The following GDAP1L1 variants were observed in gnomAD, a reference collection of about 807,000 sequenced individuals.
GDAP1L1 encodes ganglioside-induced differentiation-associated protein 1-like 1.
In GDAP1L1, 21 loss-of-function variants were observed where a neutral mutation model predicts 37.1. The ratio of observed to expected loss-of-function variants is 0.57; its 90% CI spans 0.40 to 0.81. The LOEUF (loss-of-function observed/expected upper bound fraction) is 0.81, where lower values mean the gene tolerates loss of function less well. GDAP1L1 is among the 40% of genes least tolerant of loss of function. The pLI, the probability that GDAP1L1 is intolerant of heterozygous loss-of-function variation, is 0.00. For missense variants in GDAP1L1, 362 were observed against 491.6 expected, an observed-to-expected ratio of 0.74 and a Z score of 2.49; for synonymous variants, 193 against 209.1, an observed-to-expected ratio of 0.92 and a Z score of 0.67.
rs1465425862 is a variant in GDAP1L1 at position 44,279,646 on chromosome 20, C to A, written c.*346C>A. The stretch of plus-strand genomic sequence containing the variant: ...GGTGAGTCCCAGGATGTTTCGTCCA[C>A]CAGGGCCCAGATTCTGGGAGGTGCT... On this transcript the variant is annotated 3_prime_UTR_variant, in exon 6 of 6. Transcript: ENST00000342560. 2.1e-6 allele frequency: 1 copy of A among 485,184 alleles called. No homozygotes were observed. 30.1% of individuals were successfully genotyped at this position (485,184 alleles called of 1,614,324 possible).
chr20:44,255,179 C>T (rs1331275639), intron 1 of GDAP1L1, among the ~76,000 whole-genome samples: 3 of 152,134 alleles, frequency 2.0e-5, no homozygotes, highest in African/African-American at 7.2e-5. Context: ...GGAATTTCAT[C>T]CTCACAGCGG....
At chr20:44,259,408 G>A (rs2425631) in intron 3 of GDAP1L1, among the ~76,000 whole-genome samples, 3,567 of 151,950 alleles carry the variant, frequency 0.023, 71 homozygotes, top group Non-Finnish European at 0.037. Flanking sequence ...TGTGGCTAAT[G>A]TTCAAAGGCA....
At position 44,257,287 on chromosome 20, in the gene GDAP1L1, C is replaced by A. The variant is rs540471497; in HGVS notation, c.315C>A (p.Asp105Glu). The A allele has an allele frequency of 1.1e-5, 17 of 1,614,058 alleles. No homozygotes were observed. The East Asian group carries it at 2.7e-4, about 25-fold the overall frequency. The change falls in exon 2 of 6, where the codon GAC becomes GAA. Residue 105 changes from aspartate (D) to glutamate (E), a missense_variant. Asp to Glu is a conservative substitution (Grantham distance 45). Around this residue, in one of 2 missense-constraint regions of GDAP1L1, gnomAD observed 277 missense variants for 337.1 expected, o/e 0.82. Transcript: ENST00000342560. ...GEEVPVIIHR[D>E]NIISDYDQII... ...AGGTGCCCGTCATCATCCACCGCGA[C>A]AACATCATCAGTGACTATGACCAGA...
chr20:44,257,740 C>A (rs1334984375), intron 2 of GDAP1L1, among the ~76,000 whole-genome samples: 2 of 152,132 alleles, frequency 1.3e-5, no homozygotes, highest in East Asian at 3.8e-4. Flanking sequence ...CCAGGGGTTA[C>A]AGGGCAAGGA....
chr20:44,274,683 C>T (rs1038235457), intron 5 of GDAP1L1, among the ~76,000 whole-genome samples: 1 of 152,176 alleles, frequency 6.6e-6, no homozygotes, highest in Non-Finnish European at 1.5e-5. Flanking sequence ...TTGCTGGTTT[C>T]TCTTGGTGTC....
At chr20:44,273,329 G>A (rs1275756862) in intron 5 of GDAP1L1, among the ~76,000 whole-genome samples, 1 of 152,120 alleles carries the variant, frequency 6.6e-6, no homozygotes, top group East Asian at 1.9e-4. Context: ...TCCCTTGCTG[G>A]TTTCTCCATG....
chr20:44,252,846 T>C (rs1324552210), intron 1 of GDAP1L1, among the ~76,000 whole-genome samples: 4 of 151,404 alleles, frequency 2.6e-5, no homozygotes, highest in African/African-American at 9.7e-5. Flanking sequence ...AAAAATCCTA[T>C]GCACAACCCT....
At chr20:44,253,172 T>G (rs1408882106) in intron 1 of GDAP1L1, among the ~76,000 whole-genome samples, 2 of 152,184 alleles carry the variant, frequency 1.3e-5, no homozygotes, top group African/African-American at 2.4e-5. Flanking sequence ...ACTCACCGTC[T>G]TTTGACAGAC....
At chr20:44,258,778 G>T (rs1186159256) in intron 3 of GDAP1L1, among the ~76,000 whole-genome samples, 171 bp downstream of exon 3, 2 of 151,802 alleles carry the variant, frequency 1.3e-5, no homozygotes, top group Non-Finnish European at 1.5e-5. Context: ...GCTCGGGGTT[G>T]GTTTCTCACT....
chr20:44,269,267 C>CA (rs1222444581), intron 5 of GDAP1L1, among the ~76,000 whole-genome samples: 8 of 151,888 alleles, frequency 5.3e-5, no homozygotes, highest in Non-Finnish European at 1.2e-4. Flanking sequence ...TTCTTGCTCT[C>CA]ACGGAGTTTG....
At position 44,247,316 on chromosome 20, in the gene GDAP1L1, C is replaced by A; in HGVS notation, c.-19C>A. 1 of 1,612,878 alleles carries A rather than the reference C, an allele frequency of 6.2e-7. No homozygotes were observed. The highest frequency in any genetic ancestry group is 8.5e-7 in the Non-Finnish European group (1 of 1,179,550). On this transcript the variant is annotated 5_prime_UTR_variant, in exon 1 of 6. Coordinates refer to ENST00000342560, the MANE Select transcript of GDAP1L1 (RefSeq NM_024034.6). ...CGCGCCGGAGCCTCCTTCTTTCCTG[C>A]CTCTGATTCCGGGCTGTCATGGCGA... is the stretch of plus-strand genomic sequence containing the variant.
At chr20:44,255,890 G>C (rs904620761) in intron 1 of GDAP1L1, among the ~76,000 whole-genome samples, 6 of 152,172 alleles carry the variant, frequency 3.9e-5, no homozygotes, top group African/African-American at 1.4e-4. Flanking sequence ...TCCACAGGCA[G>C]GGGGCAATAG....
upstream of GDAP1L1, chr20:44,247,171 G>A: frequency 2.9e-6 from 2 of 697,078 alleles, no homozygotes; most frequent in South Asian, 3.7e-5. Context: ...AGGAGCTCCC[G>A]GGATCCCCTC....
chr20:44,269,202 C>T (rs1307066250), intron 5 of GDAP1L1, among the ~76,000 whole-genome samples: 3 of 152,056 alleles, frequency 2.0e-5, no homozygotes, highest in African/African-American at 7.2e-5. Flanking sequence ...ATTTATTGAA[C>T]ATCTCCTAGA....
chr20:44,265,144 T>C (rs1394411818), intron 5 of GDAP1L1: 1 of 985,332 alleles, frequency 1.0e-6, no homozygotes, highest in African/African-American at 1.7e-5. Context: ...AAGAATGCAT[T>C]ATAGCTCCTT....
intron 5 of GDAP1L1, among the ~76,000 whole-genome samples, chr20:44,274,992 G>A (rs1355786527): frequency 6.6e-6 from 1 of 152,066 alleles, no homozygotes; most frequent in Non-Finnish European, 1.5e-5. Context: ...TTCCGGGCTC[G>A]AGCCATCCTC....
chr20:44,272,714 A>G (rs541005749), intron 5 of GDAP1L1, among the ~76,000 whole-genome samples: 3 of 152,296 alleles, frequency 2.0e-5, no homozygotes, highest in Admixed American at 6.5e-5. Context: ...ACACACAAAC[A>G]CGGACATGCA....
intron 3 of GDAP1L1, among the ~76,000 whole-genome samples, chr20:44,262,622 C>T (rs548626208): frequency 6.6e-6 from 1 of 152,090 alleles, no homozygotes; most frequent in South Asian, 2.1e-4. Context: ...CTTGTGTTCA[C>T]TCTTCCCTAC....
intron 5 of GDAP1L1, chr20:44,265,028 G>A (rs1211920226): frequency 7.1e-6 from 7 of 985,182 alleles, no homozygotes; most frequent in Admixed American, 6.2e-5. Context: ...CTTATGTCCC[G>A]AACAGAGACA....
Sources: allele counts gnomAD v4.1 joint callset (sites outside exome capture counted in the v4.1 genomes callset), GRCh38; gene constraint gnomAD v4.1.1; regional missense constraint gnomAD v4.1.1; transcripts MANE v1.5; gene names NCBI Gene and HGNC (gene_info 2026-07-23, HGNC 2026-07-21).